The following SPART variants were observed in gnomAD, a reference collection of about 807,000 sequenced individuals.
The protein encoded by SPART is spartin.
A neutral mutation model predicts 58.7 loss-of-function variants in SPART; 35 were observed. The observed-to-expected ratio is 0.60, with a 90% confidence interval of 0.46 to 0.79. The LOEUF (loss-of-function observed/expected upper bound fraction) is 0.79. SPART is among the 30% of genes least tolerant of loss of function. The probability of loss-of-function intolerance (pLI) is 0.00; values close to 1 mark genes in which losing one functional copy is unlikely to be tolerated. For synonymous variants in SPART, 284 were observed against 280.7 expected (o/e 1.01, Z -0.12); for missense variants, 730 against 786.1 (o/e 0.93, Z 0.85).
Position 36,328,692 on chromosome 13 carries a change from A to T in SPART, c.1164+670T>A, listed in dbSNP as rs144314657. On this transcript the variant is annotated intron_variant, in intron 4 of 8. Transcript: ENST00000438666. The stretch of plus-strand genomic sequence containing the variant: ...TAAATATTTCCTGAACTCTAATCCA[A>T]ATTTACCAGTTAGAATATATTACAT... 6.9e-3 allele frequency among the ~76,000 whole-genome samples: 1,045 copies of T among 152,312 alleles called. 16 individuals carry two copies. The highest frequency in any genetic ancestry group is 0.024 in the African/African-American group (1,003 of 41,550).
chr13:36,312,962 G>A (rs563049927), intron 6 of SPART, among the ~76,000 whole-genome samples: 6 of 150,912 alleles, frequency 4.0e-5, no homozygotes, highest in East Asian at 1.9e-4. Context: ...CAGTTATCTC[G>A]GTGAATAAAA....
chr13:36,309,874 TATA>T (rs752289913), intron 8 of SPART, among the ~76,000 whole-genome samples: 1 of 152,184 alleles, frequency 6.6e-6, no homozygotes, highest in African/African-American at 2.4e-5. Context: ...CCCTTTAATC[TATA>T]ATAATAGTTG....
intron 1 of SPART, among the ~76,000 whole-genome samples, chr13:36,367,354 T>G (rs74045307): frequency 1.3e-5 from 2 of 151,958 alleles, no homozygotes; most frequent in Non-Finnish European, 2.9e-5. Context: ...ATTAAAAGGG[T>G]AGGGTGGGAG....
chr13:36,358,506 A>G (rs1885710454), intron 1 of SPART, among the ~76,000 whole-genome samples: 1 of 152,232 alleles, frequency 6.6e-6, no homozygotes, highest in Non-Finnish European at 1.5e-5. Flanking sequence ...ACTGACAAAA[A>G]GAAGCTATTG....
In SPART at chr13:36,312,213, T is replaced by C. The variant is rs745615328; in HGVS notation, c.1665A>G (p.Gly555=). 8 of 1,614,074 alleles carry C rather than the reference T, an allele frequency of 5.0e-6. No homozygotes were observed. In the East Asian group the frequency reaches 1.8e-4, roughly 36 times the overall value. ...CGATGCATTTAGCTGCACATTCCAA[T>C]CCTTGCCAGACAGTTGAAAATCCTG... ...SVQGFSTVWQ[G]LECAAKCIVN... is the part of the protein sequence containing the mutation. The change falls in exon 8 of 9, where the codon GGA becomes GGG. Residue 555 remains glycine (G), a synonymous_variant. Coordinates refer to ENST00000438666, the MANE Select transcript of SPART (RefSeq NM_015087.5).
chr13:36,364,709 T>C (rs1284741763), intron 1 of SPART, among the ~76,000 whole-genome samples: 7 of 152,164 alleles, frequency 4.6e-5, no homozygotes, highest in Admixed American at 6.5e-5. Flanking sequence ...CTTCACTAAG[T>C]TCATAATCTA....
chr13:36,318,310 T>C (rs2137379058), intron 5 of SPART, among the ~76,000 whole-genome samples: 1 of 152,302 alleles, frequency 6.6e-6, no homozygotes, highest in Admixed American at 6.5e-5. Context: ...TAGTCAAGGT[T>C]AATGCTCATT....
At chr13:36,331,105 A>T (rs1883417751) in intron 3 of SPART, among the ~76,000 whole-genome samples, 6 of 152,340 alleles carry the variant, frequency 3.9e-5, no homozygotes, top group Admixed American at 3.9e-4. Context: ...GGACACTGTT[A>T]TTATCCCCAT....
At chr13:36,317,571 A>ATCCCTTATTTCTGCACCCCG (rs1881867315) in intron 5 of SPART, among the ~76,000 whole-genome samples, 1 of 123,084 alleles carries the variant, frequency 8.1e-6, no homozygotes, top group Admixed American at 8.9e-5. Context: ...TCTGCACCCC[A>ATCCCTTATTTCTGCACCCCG]TCCCTTATTT....
chr13:36,333,234 T>TATA (rs569160926), intron 2 of SPART, among the ~76,000 whole-genome samples: 8 of 152,120 alleles, frequency 5.3e-5, no homozygotes, highest in Non-Finnish European at 1.2e-4. Context: ...TTTCTGTAAT[T>TATA]ATAGATTTAA....
At chr13:36,312,565 C>A (rs1370228802) in intron 6 of SPART, 88 bp from the exon 7 acceptor site, 1 of 1,323,298 alleles carries the variant, frequency 7.6e-7, no homozygotes, top group Non-Finnish European at 1.1e-6. Flanking sequence ...CTTAAATGAA[C>A]ATCTAAATTG....
At position 36,309,128 on chromosome 13, in the gene SPART, C is replaced by T. The variant is rs554656655; in HGVS notation, c.1733+3017G>A. Among the ~76,000 whole-genome samples the T allele has an allele frequency of 3.8e-4, 57 of 151,854 alleles. No homozygotes were observed. In the South Asian group the frequency reaches 0.011, roughly 30 times the overall value. On this transcript the variant is annotated intron_variant, in intron 8 of 8. Transcript: ENST00000438666. ...TCATGGTGGCGGACACCTGTAGTCC[C>T]AGCTACTAGGGAGGCTGAGGCAGGA...
At chr13:36,310,201 T>C (rs1394371996) in intron 8 of SPART, among the ~76,000 whole-genome samples, 1 of 152,206 alleles carries the variant, frequency 6.6e-6, no homozygotes, top group African/African-American at 2.4e-5. Context: ...TACAAAAGTA[T>C]GAACTCAACT....
chr13:36,344,432 A>G (rs1468654011), intron 1 of SPART, among the ~76,000 whole-genome samples: 2 of 152,110 alleles, frequency 1.3e-5, no homozygotes, highest in East Asian at 3.9e-4. Context: ...TTGCTTAATA[A>G]CCTTCCTTGC....
intron 1 of SPART, among the ~76,000 whole-genome samples, chr13:36,367,675 G>C: frequency 6.6e-6 from 1 of 152,244 alleles, no homozygotes; most frequent in East Asian, 1.9e-4. Context: ...TGGAACAGAA[G>C]ATCTGAAGTA....
intron 1 of SPART, among the ~76,000 whole-genome samples, chr13:36,356,294 T>A (rs2137705515): frequency 6.6e-6 from 1 of 152,226 alleles, no homozygotes; most frequent in African/African-American, 2.4e-5. Context: ...CTGCTTGGAG[T>A]CTGTAAGCAG....
At chr13:36,366,448 C>A (rs1441742717) in intron 1 of SPART, among the ~76,000 whole-genome samples, 3 of 152,202 alleles carry the variant, frequency 2.0e-5, no homozygotes, top group Non-Finnish European at 4.4e-5. Flanking sequence ...ATTTCTCTCC[C>A]TATTTCAACT....
chr13:36,355,827 A>G (rs985693962), intron 1 of SPART, among the ~76,000 whole-genome samples: 1 of 132,274 alleles, frequency 7.6e-6, no homozygotes, highest in Non-Finnish European at 1.7e-5. Flanking sequence ...AGTTTTTCTC[A>G]TTAAAGTAAT....
At chr13:36,352,384 C>T (rs1885451791) in intron 1 of SPART, among the ~76,000 whole-genome samples, 1 of 152,094 alleles carries the variant, frequency 6.6e-6, no homozygotes, top group Admixed American at 6.6e-5. Context: ...TATAAATAGG[C>T]TACTGGGTTG....
Sources: allele counts gnomAD v4.1 joint callset (sites outside exome capture counted in the v4.1 genomes callset), GRCh38; gene constraint gnomAD v4.1.1; transcripts MANE v1.5; gene names NCBI Gene and HGNC (gene_info 2026-07-23, HGNC 2026-07-21).